Variants in RFC1 observed in about 807,000 individuals in gnomAD.
The protein encoded by RFC1 is A1 140 kDa subunit.
In RFC1, 37 loss-of-function variants were observed where a neutral mutation model predicts 137.4. That is an observed-to-expected ratio of 0.27 (90% CI 0.21 to 0.35). The LOEUF (loss-of-function observed/expected upper bound fraction) is 0.35. RFC1 is among the 10% of genes least tolerant of loss of function. The pLI is 1.00. For synonymous variants in RFC1, 429 were observed against 455.7 expected, an observed-to-expected ratio of 0.94 and a Z score of 0.75; for missense variants, 1,205 against 1,358.5, an observed-to-expected ratio of 0.89 and a Z score of 1.78.
chr4:39,292,255 T>A (rs1180781748), intron 22 of RFC1: 1 of 167,690 alleles, frequency 6.0e-6, no homozygotes, highest in African/African-American at 2.4e-5. Context: ...GTATAACACC[T>A]TTTGGTCCCT....
Position 39,291,722 on chromosome 4 carries a change from A to C in RFC1, c.3085T>G (p.Leu1029Val), listed in dbSNP as rs1431841392. 1.2e-6 allele frequency: 2 copies of C among 1,613,998 alleles called. No homozygotes were observed. The highest frequency in any genetic ancestry group is 1.7e-5 in the Admixed American group (1 of 59,996). Residue 1029 changes from leucine (L) to valine (V), a missense_variant, in exon 23 of 25, where the codon TTG (leucine) becomes GTG (valine). Physicochemically the swap from Leu to Val is conservative, Grantham distance 32 (BLOSUM62 1). This residue lies in a region of RFC1 where 237 missense variants were observed against 304.2 expected (regional missense o/e 0.78). Transcript: ENST00000349703. ...DVVALMDTYYLMKEDFENIME... is the reference protein window; with the variant it reads ...DVVALMDTYYVMKEDFENIME... ...ATATTCTCAAAGTCTTCTTTCATCAAATAATATGTGTCCATAAGTGCAACA... is the reference window on the plus strand; with the variant it reads ...ATATTCTCAAAGTCTTCTTTCATCACATAATATGTGTCCATAAGTGCAACA...
At chr4:39,365,508 A>G (rs769738886) in intron 1 of RFC1, 6 of 985,040 alleles carry the variant, frequency 6.1e-6, no homozygotes, top group Admixed American at 6.2e-5. Flanking sequence ...TTCACTTTCA[A>G]TTTGTTTGAA....
At chr4:39,323,267 G>T in intron 7 of RFC1, 73 bp downstream of exon 7, 2 of 1,118,860 alleles carry the variant, frequency 1.8e-6, no homozygotes, top group Non-Finnish European at 2.5e-6. Context: ...TTTGGCTAGA[G>T]CCTAGAACAC....
rs1578131258 is a variant in RFC1 at position 39,316,954 on chromosome 4, T to G, written c.1164A>C (p.Arg388=). ...NYQAYRSYLN[R]EGPKALGSKE... is the part of the protein sequence containing the mutation. ...TGGAGCCCAGAGCCTTGGGACCTTC[T>G]CGATTTAAGTAGCTTCGATAAGCTT... The change falls in exon 10 of 25, where the codon CGA becomes CGC. Residue 388 remains arginine, a synonymous_variant. Coordinates refer to ENST00000349703, the MANE Select transcript of RFC1 (RefSeq NM_002913.5). 25 of 1,614,148 alleles carry G rather than the reference T, an allele frequency of 1.5e-5. No individual in the cohort carries two copies. In the East Asian group the frequency reaches 5.6e-4, roughly 36 times the overall value.
chr4:39,335,170 G>A (rs1160592415), intron 4 of RFC1, among the ~76,000 whole-genome samples: 5 of 152,088 alleles, frequency 3.3e-5, no homozygotes, highest in Non-Finnish European at 5.9e-5. Flanking sequence ...AACTAAAAAA[G>A]GAATCAAGGT....
intron 7 of RFC1, 79 bp from the exon 8 acceptor site, chr4:39,321,453 A>C (rs1739519576): frequency 7.3e-7 from 1 of 1,365,526 alleles, no homozygotes; most frequent in South Asian, 1.3e-5. Flanking sequence ...AAAATCCATC[A>C]AAATTTTAAG....
intron 19 of RFC1, among the ~76,000 whole-genome samples, chr4:39,300,717 G>T (rs1433675185): frequency 1.3e-5 from 2 of 152,064 alleles, no homozygotes; most frequent in African/African-American, 4.8e-5. Context: ...CTTTTAGTAG[G>T]TAAATAAACA....
intron 11 of RFC1, among the ~76,000 whole-genome samples, chr4:39,312,457 C>T (rs1034077651): frequency 6.6e-6 from 1 of 151,994 alleles, no homozygotes; most frequent in Non-Finnish European, 1.5e-5. Flanking sequence ...TATAGGAATA[C>T]TTCGGACTGG....
At chr4:39,310,846 C>T (rs539557944) in intron 12 of RFC1, among the ~76,000 whole-genome samples, 5 of 151,930 alleles carry the variant, frequency 3.3e-5, no homozygotes, top group Non-Finnish European at 7.4e-5. Context: ...TGCATAAAGT[C>T]AACGTGAGAA....
chr4:39,360,938 G>A (rs111473923), intron 1 of RFC1, among the ~76,000 whole-genome samples: 2,170 of 152,242 alleles, frequency 0.014, 47 homozygotes, highest in African/African-American at 0.05. Context: ...CCAAATCCAT[G>A]AGCAGAAATG....
intron 6 of RFC1, among the ~76,000 whole-genome samples, chr4:39,324,996 C>T (rs1170567494): frequency 1.3e-5 from 2 of 152,174 alleles, no homozygotes; most frequent in African/African-American, 4.8e-5. Flanking sequence ...TCAACCTCTC[C>T]TGATGTTCCT....
intron 23 of RFC1, among the ~76,000 whole-genome samples, chr4:39,291,237 T>C (rs774540844): frequency 6.6e-6 from 1 of 152,176 alleles, no homozygotes; most frequent in Non-Finnish European, 1.5e-5. Flanking sequence ...ACAGATTAGG[T>C]AGACTAAGAA....
chr4:39,295,742 A>G lies in RFC1; in HGVS notation c.2826T>C (p.Val942=). ...LLPAQAIYAS[V]LPGELMRGYM... ...ACCCCCTCATCAACTCTCCAGGAAG[A>G]ACACTGGCATAAATGGCCTGAAAAA... is the stretch of plus-strand genomic sequence containing the variant. Residue 942 remains valine (V), a synonymous_variant, in exon 22 of 25, where the codon GTT becomes GTC. Coordinates refer to ENST00000349703, the MANE Select transcript of RFC1 (RefSeq NM_002913.5). The G allele has an allele frequency of 6.2e-7, 1 of 1,610,198 alleles. No homozygotes were observed.
At chr4:39,361,830 C>T (rs1741773313) in intron 1 of RFC1, among the ~76,000 whole-genome samples, 1 of 152,100 alleles carries the variant, frequency 6.6e-6, no homozygotes, top group African/African-American at 2.4e-5. Flanking sequence ...GGGCTGATCA[C>T]GAGGTCAGGA....
rs765595532 is a variant in RFC1 at position 39,302,769 on chromosome 4, G to A, written c.2308C>T (p.Arg770Cys). Reference protein sequence around the residue: ...RSLVHYCFDLRFQRPRVEQIK... With the variant: ...RSLVHYCFDLCFQRPRVEQIK... ...TGTTCAACCCGAGGTCTTTGAAAACGAAGATCAAAACAATAATGAACCAGA... is the reference window on the plus strand; with the variant it reads ...TGTTCAACCCGAGGTCTTTGAAAACAAAGATCAAAACAATAATGAACCAGA... The change falls in exon 17 of 25, where the codon CGT becomes TGT. Residue 770 changes from arginine (R) to cysteine (C), a missense_variant. By Grantham distance (180) the Arg-to-Cys change is radical. Around this residue, in one of 3 missense-constraint regions of RFC1, gnomAD observed 962 missense variants for 1,035.3 expected, o/e 0.93. Transcript: ENST00000349703. The A allele has an allele frequency of 2.5e-6, 4 of 1,597,288 alleles. No individual in the cohort carries two copies. The highest frequency in any genetic ancestry group is 1.8e-5 in the Admixed American group (1 of 55,376).
At chr4:39,306,471 C>G (rs1303974539) in intron 14 of RFC1, 121 bp downstream of exon 14, 2 of 550,112 alleles carry the variant, frequency 3.6e-6, no homozygotes, top group Non-Finnish European at 6.5e-6. Context: ...AAAATAAACA[C>G]AGTTTATATA....
At chr4:39,342,316 G>A (rs1740640122) in intron 4 of RFC1, 29 bp downstream of exon 4, 1 of 1,596,870 alleles carries the variant, frequency 6.3e-7, no homozygotes, top group Non-Finnish European at 8.5e-7. Context: ...AACACACACG[G>A]CATCTCATAT....
chr4:39,333,035 T>C (rs1740180035), intron 4 of RFC1, among the ~76,000 whole-genome samples: 1 of 152,182 alleles, frequency 6.6e-6, no homozygotes, highest in East Asian at 1.9e-4. Context: ...TAAATAAAAG[T>C]AGTATTCTCT....
At chr4:39,329,743 A>G (rs1049331553) in intron 4 of RFC1, among the ~76,000 whole-genome samples, 3 of 152,048 alleles carry the variant, frequency 2.0e-5, no homozygotes, top group African/African-American at 7.2e-5. Flanking sequence ...TTTTAATACA[A>G]TTGAAAATAG....
Sources: gnomAD v4.1 joint callset for allele counts (sites outside exome capture counted in the v4.1 genomes callset) on GRCh38, gnomAD v4.1.1 for gene constraint, gnomAD v4.1.1 regional missense constraint, MANE v1.5 for transcripts, NCBI Gene and HGNC (gene_info 2026-07-23, HGNC 2026-07-21) for gene names.